Variants in DYNC2H1 observed in about 807,000 individuals in gnomAD.
DYNC2H1 encodes the protein cytoplasmic dynein 2 heavy chain 1.
DYNC2H1 carries 410 observed loss-of-function variants against 570.0 expected under a neutral mutation model. The ratio of observed to expected loss-of-function variants is 0.72; its 90% CI spans 0.66 to 0.78. The LOEUF (loss-of-function observed/expected upper bound fraction) is 0.78. Ranked by LOEUF, DYNC2H1 falls within the 30% of genes least tolerant of loss-of-function variation. The pLI is 0.00. For synonymous variants in DYNC2H1, 1,688 were observed against 1,677.6 expected (o/e 1.01, Z -0.15); for missense variants, 4,865 against 5,046.4 (o/e 0.96, Z 1.09).
intron 82 of DYNC2H1, among the ~76,000 whole-genome samples, chr11:103,328,930 T>G (rs557107372): frequency 3.9e-5 from 6 of 152,228 alleles, no homozygotes; most frequent in Admixed American, 6.5e-5. Context: ...GGGGGAGAGA[T>G]AAATTTGATA....
Position 103,256,380 on chromosome 11 carries a change from G to A in DYNC2H1, c.10461+140G>A. ...CTATTCAAAAACATCAGAACATTGGGTTTGATTCTAGTTATTGTAGAGAGG... is the reference window on the plus strand; with the variant it reads ...CTATTCAAAAACATCAGAACATTGGATTTGATTCTAGTTATTGTAGAGAGG... On this transcript the variant is annotated intron_variant, in intron 68 of 88. Transcript: ENST00000375735. The surrounding 1 kb of genome is among the most constrained non-coding windows in gnomAD (Gnocchi z 4.0). The A allele has an allele frequency of 1.2e-6, 1 of 851,526 alleles. No individual in the cohort carries two copies. Among genetic ancestry groups the A allele is most frequent in the South Asian group, 1.9e-5 (1 of 52,002 alleles). The allele number at this position is 851,526 out of a possible 1,614,324, so 52.7% of individuals were successfully genotyped here.
chr11:103,398,798 A>G (rs1942500552), intron 83 of DYNC2H1, among the ~76,000 whole-genome samples: 1 of 151,980 alleles, frequency 6.6e-6, no homozygotes. Context: ...AGTTTTTCTT[A>G]AGAAACCCCA....
chr11:103,322,457 C>T (rs1290690644), intron 81 of DYNC2H1, among the ~76,000 whole-genome samples: 1 of 152,106 alleles, frequency 6.6e-6, no homozygotes, highest in Non-Finnish European at 1.5e-5. Context: ...CAGAATTTCT[C>T]CTTATGTTCC....
intron 84 of DYNC2H1, among the ~76,000 whole-genome samples, chr11:103,411,030 A>G (rs1162388430): frequency 6.6e-6 from 1 of 152,072 alleles, no homozygotes; most frequent in Non-Finnish European, 1.5e-5. Context: ...TTGCATGTGT[A>G]AAGACCAGGA....
Position 103,122,874 on chromosome 11 carries a change from G to T in DYNC2H1, c.1535G>T (p.Gly512Val). 6.2e-7 allele frequency: 1 copy of T among 1,613,276 alleles called. No homozygotes were observed. ...GAGGCTCTTTTATCTGACTTGCCAG[G>T]ATTTCGATGTTTCCATCAAAGTGCC... Reference protein sequence around the residue: ...IAEALLSDLPGFRCFHQSAKD... With the variant: ...IAEALLSDLPVFRCFHQSAKD... The change falls in exon 11 of 89, where the codon GGA (glycine) becomes GTA (valine). Residue 512 changes from glycine to valine, a missense_variant. This residue lies in a region of DYNC2H1 where 1,936 missense variants were observed against 1,962.1 expected (regional missense o/e 0.99). Coordinates refer to ENST00000375735, the MANE Select transcript of DYNC2H1 (RefSeq NM_001377.3).
At chr11:103,332,495 T>C (rs1167671973) in intron 82 of DYNC2H1, among the ~76,000 whole-genome samples, 3 of 149,330 alleles carry the variant, frequency 2.0e-5, no homozygotes, top group Non-Finnish European at 4.4e-5. Context: ...ATATTAAAAC[T>C]GAAAAAGACT....
Position 103,181,711 on chromosome 11 carries a change from GATA to G in DYNC2H1, c.6348-43_6348-41del. On this transcript the variant is annotated intron_variant, in intron 39 of 88. Transcript: ENST00000375735. This position sits in a 1 kb window ranked among gnomAD's most constrained non-coding sequence, Gnocchi z 5.0. Reference sequence around the variant, plus strand: ...GAAGAAATTTATTTTAATGTAAATTGATAATTTCTTCCTAAGTAATTTTTTATT... The same window carrying G: ...GAAGAAATTTATTTTAATGTAAATTGATTTCTTCCTAAGTAATTTTTTATT... 6.8e-7 allele frequency: 1 copy of G among 1,475,646 alleles called. No homozygotes were observed. The highest frequency in any genetic ancestry group is 9.1e-7 in the Non-Finnish European group (1 of 1,100,314). The allele number at this position is 1,475,646 out of a possible 1,614,324, so 91.4% of individuals were successfully genotyped here.
At chr11:103,291,609 T>C (rs1466472721) in intron 75 of DYNC2H1, among the ~76,000 whole-genome samples, 1 of 152,208 alleles carries the variant, frequency 6.6e-6, no homozygotes, top group Non-Finnish European at 1.5e-5. Flanking sequence ...AATGTTTCTT[T>C]GTTGATTTTC....
At chr11:103,260,724 A>T (rs945179196) in intron 70 of DYNC2H1, among the ~76,000 whole-genome samples, 3 of 150,184 alleles carry the variant, frequency 2.0e-5, no homozygotes, top group Non-Finnish European at 4.4e-5. Flanking sequence ...GGTTCAAGTC[A>T]TTCTCCTGCT....
chr11:103,351,599 T>A lies in DYNC2H1; in HGVS notation c.12040-6644T>A, dbSNP rs1201360428. 3.9e-4 allele frequency among the ~76,000 whole-genome samples: 54 copies of A among 136,894 alleles called. No individual in the cohort carries two copies. The East Asian group carries it at 9.0e-3, about 23-fold the overall frequency. The allele number at this position is 136,894 out of a possible 152,430, so 89.8% of individuals were successfully genotyped here. On this transcript the variant is annotated intron_variant, in intron 82 of 88. Coordinates refer to ENST00000375735, the MANE Select transcript of DYNC2H1 (RefSeq NM_001377.3). Reference sequence around the variant, plus strand: ...CTCTAAATATTGAGAAGATTATATATTTTTTCTCCTTAATTTATGTGATGA... The same window carrying A: ...CTCTAAATATTGAGAAGATTATATAATTTTTCTCCTTAATTTATGTGATGA...
chr11:103,135,051 T>C (rs1197902527), intron 15 of DYNC2H1, among the ~76,000 whole-genome samples: 1 of 152,112 alleles, frequency 6.6e-6, no homozygotes, highest in Non-Finnish European at 1.5e-5. Flanking sequence ...TGTAAATTCT[T>C]ATGAGCAATC....
chr11:103,293,248 C>T (rs1866686112), intron 75 of DYNC2H1, among the ~76,000 whole-genome samples: 1 of 152,088 alleles, frequency 6.6e-6, no homozygotes, highest in Non-Finnish European at 1.5e-5. Flanking sequence ...CATCCCCCTC[C>T]CTCATGGCAT....
rs201810959 is a variant in DYNC2H1, at chr11:103,148,607, G to A, written c.2936G>A (p.Arg979Gln). The change falls in exon 20 of 89, where the codon CGG (arginine) becomes CAG (glutamine). Residue 979 changes from arginine (R) to glutamine (Q), a missense_variant. By Grantham distance (43) the Arg-to-Gln change is conservative (BLOSUM62 1). Transcript: ENST00000375735. ...ANLQYSKLQE[R>Q]KPEILPLFQE... is the part of the protein sequence containing the mutation. Reference sequence around the variant, plus strand: ...CTACAATATAGTAAGTTACAAGAACGGAAGCCAGAGGTGAGAATCACAAAG... The same window carrying A: ...CTACAATATAGTAAGTTACAAGAACAGAAGCCAGAGGTGAGAATCACAAAG... 7.6e-5 allele frequency: 119 copies of A among 1,563,292 alleles called. No individual in the cohort carries two copies. Among genetic ancestry groups the A allele is most frequent in the Middle Eastern group, 1.7e-4 (1 of 6,004 alleles).
chr11:103,418,782 C>T (rs1943374966), intron 84 of DYNC2H1, among the ~76,000 whole-genome samples: 2 of 152,112 alleles, frequency 1.3e-5, no homozygotes, highest in Admixed American at 6.5e-5. Context: ...AGTGATTGTT[C>T]GACCCCACCT....
intron 82 of DYNC2H1, among the ~76,000 whole-genome samples, chr11:103,343,338 C>T (rs914498505): frequency 6.6e-6 from 1 of 152,178 alleles, no homozygotes; most frequent in African/African-American, 2.4e-5. Flanking sequence ...TCCCACCTCT[C>T]TTCTCCAAGG....
At chr11:103,345,480 G>A (rs1329879609) in intron 82 of DYNC2H1, among the ~76,000 whole-genome samples, 1 of 152,146 alleles carries the variant, frequency 6.6e-6, no homozygotes, top group African/African-American at 2.4e-5. Context: ...ACTAGTACTT[G>A]GTATTTTGGG....
intron 45 of DYNC2H1, among the ~76,000 whole-genome samples, chr11:103,190,613 G>T (rs1862261494): frequency 6.6e-6 from 1 of 152,178 alleles, no homozygotes; most frequent in Admixed American, 6.6e-5. Context: ...AGACATGTTT[G>T]TGGAAGATGC....
chr11:103,136,492 T>A (rs534814614), intron 17 of DYNC2H1, among the ~76,000 whole-genome samples: 1 of 152,116 alleles, frequency 6.6e-6, no homozygotes, highest in Non-Finnish European at 1.5e-5. Context: ...TTTTTGTTCT[T>A]GCGATAGTTT....
At chr11:103,304,305 A>C (rs1292368869) in intron 76 of DYNC2H1, among the ~76,000 whole-genome samples, 1 of 152,170 alleles carries the variant, frequency 6.6e-6, no homozygotes, top group Non-Finnish European at 1.5e-5. Flanking sequence ...AGAGTAGATT[A>C]GTTTATACAT....
Sources: gnomAD v4.1 joint callset for allele counts (sites outside exome capture counted in the v4.1 genomes callset) on GRCh38, gnomAD v4.1.1 for gene constraint, gnomAD v4.1.1 regional missense constraint, Gnocchi (gnomAD v3.1) non-coding constraint, MANE v1.5 for transcripts, NCBI Gene and HGNC (gene_info 2026-07-23, HGNC 2026-07-21) for gene names.